The following SYCP2L variants were observed in gnomAD, a reference collection of about 807,000 sequenced individuals.
SYCP2L encodes the protein synaptonemal complex protein 2 like, also known as synaptonemal complex protein 2-like.
SYCP2L carries 98 observed loss-of-function variants against 125.8 expected under a neutral mutation model. That is an observed-to-expected ratio of 0.78 (90% confidence interval 0.66 to 0.92). SYCP2L has a LOEUF of 0.92. SYCP2L is among the 40% of genes least tolerant of loss of function. SYCP2L has a pLI of 0.00. For synonymous variants in SYCP2L, 317 were observed against 325.4 expected (o/e 0.97, Z 0.28); for missense variants, 842 against 936.4 (o/e 0.90, Z 1.32).
chr6:10,941,709 G>C (rs578125307), intron 21 of SYCP2L, among the ~76,000 whole-genome samples: 2 of 152,182 alleles, frequency 1.3e-5, no homozygotes. Flanking sequence ...GTTGGTGGGA[G>C]TGTAAACTAG....
chr6:10,891,625 G>T, intron 2 of SYCP2L, 44 bp downstream of exon 2: 1 of 360,214 alleles, frequency 2.8e-6, no homozygotes. Context: ...GTGTGTGTGT[G>T]TGTGTGTGTG....
chr6:10,887,136 G>A lies in SYCP2L; in HGVS notation c.9+1G>A. ...ACGAAGAAGCCTCGTTATGCAAGCG[G>A]TGAGTGACCCCCGAAGGGCCCGGAC... On this transcript the variant is annotated splice_donor_variant, in intron 1 of 29. Transcript: ENST00000283141. LOFTEE classifies it high-confidence loss of function. 6.2e-7 allele frequency: 1 copy of A among 1,614,136 alleles called. No individual in the cohort carries two copies.
At chr6:10,927,401 C>G (rs775346946) in intron 17 of SYCP2L, 34 bp downstream of exon 17, 1 of 1,564,430 alleles carries the variant, frequency 6.4e-7, no homozygotes, top group Non-Finnish European at 8.8e-7. Context: ...AAGCATCGGC[C>G]AGGTTGAGAA....
At chr6:10,928,250 A>T (rs907745449) in intron 17 of SYCP2L, among the ~76,000 whole-genome samples, 153 bp from the exon 18 acceptor site, 2 of 151,562 alleles carry the variant, frequency 1.3e-5, no homozygotes, top group African/African-American at 4.9e-5. Context: ...AAGGCATAGG[A>T]AATCACAAGG....
At chr6:10,925,208 G>A (rs1269416201) in intron 15 of SYCP2L, among the ~76,000 whole-genome samples, 1 of 152,152 alleles carries the variant, frequency 6.6e-6, no homozygotes, top group Non-Finnish European at 1.5e-5. Context: ...GATCTTGTGA[G>A]ACTTACTGTC....
chr6:10,904,297 A>C (rs894941409), intron 8 of SYCP2L, among the ~76,000 whole-genome samples: 1 of 152,150 alleles, frequency 6.6e-6, no homozygotes, highest in African/African-American at 2.4e-5. Context: ...AAACAACAAA[A>C]CCAGCACCGT....
At chr6:10,923,457 C>T (rs1186057042) in intron 14 of SYCP2L, among the ~76,000 whole-genome samples, 1 of 142,102 alleles carries the variant, frequency 7.0e-6, no homozygotes, top group Non-Finnish European at 1.5e-5. Flanking sequence ...ATGATCTCGG[C>T]TCATTGCAAC....
At chr6:10,895,786 C>T (rs1245231099) in intron 4 of SYCP2L, among the ~76,000 whole-genome samples, 1 of 151,420 alleles carries the variant, frequency 6.6e-6, no homozygotes, top group Non-Finnish European at 1.5e-5. Flanking sequence ...CCGCGCCTGG[C>T]CAACTCTATA....
intron 29 of SYCP2L, among the ~76,000 whole-genome samples, chr6:10,964,868 G>A (rs1464347881): frequency 6.6e-6 from 1 of 152,156 alleles, no homozygotes; most frequent in Non-Finnish European, 1.5e-5. Context: ...TCAAGAATAA[G>A]AAGAAACTAG....
intron 25 of SYCP2L, among the ~76,000 whole-genome samples, chr6:10,957,326 T>C (rs1057279069): frequency 2.6e-5 from 4 of 152,174 alleles, no homozygotes; most frequent in African/African-American, 9.7e-5. Context: ...TCTTCGTGAA[T>C]TGTGGTTTGT....
At chr6:10,893,323 T>C (rs1221718861) in intron 2 of SYCP2L, among the ~76,000 whole-genome samples, 2 of 152,250 alleles carry the variant, frequency 1.3e-5, no homozygotes, top group African/African-American at 4.8e-5. Flanking sequence ...CTTAGAAGCA[T>C]GTCTTAGCTA....
At chr6:10,914,065 T>G (rs982632149) in intron 14 of SYCP2L, among the ~76,000 whole-genome samples, 5 of 152,294 alleles carry the variant, frequency 3.3e-5, no homozygotes, top group African/African-American at 1.2e-4. Flanking sequence ...ACTCCTGATT[T>G]CAGGTGATCC....
intron 14 of SYCP2L, among the ~76,000 whole-genome samples, chr6:10,921,982 G>A (rs148541031): frequency 0.018 from 2,735 of 152,286 alleles, 90 homozygotes; most frequent in African/African-American, 0.061. Context: ...CTGGATTACA[G>A]GCGTGAGCCA....
Position 10,906,056 on chromosome 6 carries a change from T to C in SYCP2L, c.676+2T>C, listed in dbSNP as rs773643041. 6.3e-7 allele frequency: 1 copy of C among 1,587,288 alleles called. No individual in the cohort carries two copies. The highest frequency in any genetic ancestry group is 8.6e-7 in the Non-Finnish European group (1 of 1,157,422). On this transcript the variant is annotated splice_donor_variant, in intron 9 of 29. Transcript: ENST00000283141. LOFTEE classifies it high-confidence loss of function. ...CAAGGACACTCTTGACTGTGGGTGG[T>C]AAGAAATTTTAGAATTTTCAGTATT... is the stretch of plus-strand genomic sequence containing the variant.
At position 10,942,766 on chromosome 6, in the gene SYCP2L, T is replaced by G; in HGVS notation, c.1954+20T>G. ...ACAAAGGTAAGAGAATAGTACTTTT[T>G]TTTTTTTTTTTGCAGAATAAAATGA... On this transcript the variant is annotated intron_variant, in intron 23 of 29. Coordinates refer to ENST00000283141, the MANE Select transcript of SYCP2L (RefSeq NM_001040274.3). 1 of 1,571,216 alleles carries G rather than the reference T, an allele frequency of 6.4e-7. No homozygotes were observed. Among genetic ancestry groups the G allele is most frequent in the Non-Finnish European group, 8.6e-7 (1 of 1,160,654 alleles).
At position 10,935,039 on chromosome 6, in the gene SYCP2L, A is replaced by C. The variant is rs1781067674; in HGVS notation, c.1684-19A>C. ...TTTAATTATGAATGTTAACACTTAA[A>C]AAAGATACTATATTTTAGGCTAAGC... On this transcript the variant is annotated intron_variant, in intron 20 of 29. Transcript: ENST00000283141. 1 of 1,568,436 alleles carries C rather than the reference A, an allele frequency of 6.4e-7. No individual in the cohort carries two copies. Among genetic ancestry groups the C allele is most frequent in the South Asian group, 1.2e-5 (1 of 82,092 alleles).
intron 20 of SYCP2L, among the ~76,000 whole-genome samples, chr6:10,932,601 G>C (rs775810397): frequency 2.6e-5 from 4 of 152,136 alleles, no homozygotes; most frequent in Non-Finnish European, 5.9e-5. Flanking sequence ...TGTAAGGAGA[G>C]GGGTGGGTTA....
chr6:10,928,351 G>A (rs1780934313), intron 17 of SYCP2L, 52 bp from the exon 18 acceptor site: 1 of 839,112 alleles, frequency 1.2e-6, no homozygotes, highest in Admixed American at 2.2e-5. Flanking sequence ...ATTAATTTGG[G>A]GAACTAATAA....
rs1360040787 is a variant in SYCP2L, at chr6:10,926,388, A to G, written c.1268A>G (p.Asp423Gly). The change falls in exon 16 of 30, where the codon GAT (aspartate) becomes GGT (glycine). Residue 423 changes from aspartate (D) to glycine (G), a missense_variant. Asp to Gly is a moderately conservative substitution (Grantham distance 94). Transcript: ENST00000283141. ...TCCTCAGAACTTTTTAGTAAGTCTGATAAAGAAGACAGGGAGAGTCCCAGT... is the reference window on the plus strand; with the variant it reads ...TCCTCAGAACTTTTTAGTAAGTCTGGTAAAGAAGACAGGGAGAGTCCCAGT... ...KISSELFSKS[D>G]KEDRESPSGL... 3.1e-6 allele frequency: 5 copies of G among 1,613,836 alleles called. 1 individual carries two copies. In the African/African-American group the frequency reaches 6.7e-5, roughly 22 times the overall value.
Sources: allele counts gnomAD v4.1 joint callset (sites outside exome capture counted in the v4.1 genomes callset), GRCh38; gene constraint gnomAD v4.1.1; transcripts MANE v1.5; gene names NCBI Gene and HGNC (gene_info 2026-07-23, HGNC 2026-07-21).